YIPF7: variants seen among roughly 807,000 people sequenced by gnomAD.
YIPF7 encodes the protein Yip1 domain family member 7, also known as protein YIPF7.
YIPF7 carries 35 observed loss-of-function variants against 27.2 expected under a neutral mutation model. The ratio of observed to expected loss-of-function variants is 1.29; its 90% CI spans 0.98 to 1.70. The LOEUF is 1.70. Ranked by LOEUF, YIPF7 falls within the 40% of genes most tolerant of loss-of-function variation. The pLI is 0.00. For synonymous variants in YIPF7, 137 were observed against 110.4 expected (o/e 1.24, Z -1.51); for missense variants, 358 against 303.7 (o/e 1.18, Z -1.33).
At chr4:44,661,979 A>G (rs1714051153) in intron 1 of YIPF7, among the ~76,000 whole-genome samples, 2 of 152,164 alleles carry the variant, frequency 1.3e-5, no homozygotes, top group South Asian at 2.1e-4. Flanking sequence ...TTTCTCTTTA[A>G]TGCTCTTTCT....
chr4:44,656,106 T>A (rs1461967935), upstream of YIPF7, among the ~76,000 whole-genome samples: 1 of 152,078 alleles, frequency 6.6e-6, no homozygotes, highest in African/African-American at 2.4e-5. Flanking sequence ...AAGTTTTTAG[T>A]TTGGCAATAT....
At position 44,637,917 on chromosome 4, in the gene YIPF7, ATTAACTCGTTCCT is replaced by A. The variant is rs1469558829; in HGVS notation, c.117-1845_117-1833del. Among the ~76,000 whole-genome samples the A allele has an allele frequency of 3.9e-5, 6 of 152,306 alleles. No individual in the cohort carries two copies. The East Asian group carries it at 9.7e-4, about 25-fold the overall frequency. On this transcript the variant is annotated intron_variant, in intron 2 of 5. Coordinates refer to ENST00000415895, the MANE Select transcript of YIPF7 (RefSeq NM_182592.3). ...TTCCATCTAGGTTGCTGCAAATGCC[ATTAACTCGTTCCT>A]TTTTATGGCTGAATAGTATTCAAAA...
chr4:44,642,283 T>C (rs1482538346), intron 2 of YIPF7, among the ~76,000 whole-genome samples: 3 of 152,182 alleles, frequency 2.0e-5, no homozygotes, highest in African/African-American at 4.8e-5. Context: ...CTTATTGTAA[T>C]GGGGTTATAA....
At chr4:44,655,746 A>G (rs944625758), upstream of YIPF7, among the ~76,000 whole-genome samples, 4 of 151,990 alleles carry the variant, frequency 2.6e-5, no homozygotes, top group South Asian at 8.3e-4. Flanking sequence ...TATTCTTTAA[A>G]TGCTCTTTTT....
chr4:44,657,701 G>T (rs1713938291), intron 2 of YIPF7, among the ~76,000 whole-genome samples: 2 of 152,160 alleles, frequency 1.3e-5, no homozygotes, highest in Non-Finnish European at 2.9e-5. Context: ...GAAGATTCCT[G>T]AGACCCTCAG....
intron 5 of YIPF7, among the ~76,000 whole-genome samples, chr4:44,623,408 TGGACAATA>T (rs1712510138): frequency 6.6e-6 from 1 of 152,196 alleles, no homozygotes; most frequent in African/African-American, 2.4e-5. Context: ...CATGGCAAAG[TGGACAATA>T]GGTCAAGATC....
chr4:44,645,032 C>T (rs1229035332), intron 2 of YIPF7, among the ~76,000 whole-genome samples: 1 of 152,190 alleles, frequency 6.6e-6, no homozygotes, highest in Non-Finnish European at 1.5e-5. Flanking sequence ...CTCCCTGAGG[C>T]CTCCTCAGAA....
At chr4:44,627,603 G>C (rs1329570987) in intron 4 of YIPF7, among the ~76,000 whole-genome samples, 1 of 152,006 alleles carries the variant, frequency 6.6e-6, no homozygotes, top group Non-Finnish European at 1.5e-5. Flanking sequence ...AGTCCTTTTT[G>C]CTTTATATCA....
At chr4:44,634,643 T>C (rs1422540286) in intron 3 of YIPF7, among the ~76,000 whole-genome samples, 1 of 152,202 alleles carries the variant, frequency 6.6e-6, no homozygotes, top group Non-Finnish European at 1.5e-5. Flanking sequence ...AAAGTATGCA[T>C]GTATATTCAT....
At chr4:44,658,294 A>G (rs1713954886) in intron 2 of YIPF7, among the ~76,000 whole-genome samples, 1 of 152,266 alleles carries the variant, frequency 6.6e-6, no homozygotes, top group South Asian at 2.1e-4. Context: ...GGATACAATA[A>G]GAACTCAGCA....
At chr4:44,659,562 A>G (rs140760971) in intron 2 of YIPF7, among the ~76,000 whole-genome samples, 354 of 152,340 alleles carry the variant, frequency 2.3e-3, no homozygotes, top group African/African-American at 8.0e-3. Flanking sequence ...TAAACTCACT[A>G]TCAATAATTT....
intron 5 of YIPF7, among the ~76,000 whole-genome samples, chr4:44,622,975 C>G (rs187603112): frequency 5.3e-5 from 8 of 152,316 alleles, no homozygotes; most frequent in Non-Finnish European, 1.0e-4. Flanking sequence ...GAAAGATAGA[C>G]AGAGTTACAT....
chr4:44,627,160 C>T (rs1712688163), intron 4 of YIPF7, among the ~76,000 whole-genome samples: 1 of 152,084 alleles, frequency 6.6e-6, no homozygotes, highest in Non-Finnish European at 1.5e-5. Context: ...TTTCAGACCA[C>T]ACTCTTGGCC....
chr4:44,622,560 T>A lies in YIPF7; in HGVS notation c.625A>T (p.Met209Leu), dbSNP rs1187817413. The A allele has an allele frequency of 6.2e-7, 1 of 1,613,334 alleles. No homozygotes were observed. The highest frequency in any genetic ancestry group is 1.7e-5 in the Admixed American group (1 of 59,890). ...FFSLQGIFGI[M>L]SSLVIIGWCS... ...CAGCCAATGATGACCAGGGATGACATGATTCCAAAGATGCCCCTGCAGCAA... is the reference window on the plus strand; with the variant it reads ...CAGCCAATGATGACCAGGGATGACAAGATTCCAAAGATGCCCCTGCAGCAA... The change falls in exon 6 of 6, where the codon ATG becomes TTG. Residue 209 changes from methionine to leucine, a missense_variant. Transcript: ENST00000415895.
At chr4:44,653,200 A>G (rs1277007031), upstream of YIPF7, among the ~76,000 whole-genome samples, 1 of 152,090 alleles carries the variant, frequency 6.6e-6, no homozygotes, top group East Asian at 1.9e-4. Flanking sequence ...TGAATTAGAG[A>G]AAAGTTGAAG....
At chr4:44,659,279 G>A (rs1018113963) in intron 2 of YIPF7, among the ~76,000 whole-genome samples, 1 of 151,330 alleles carries the variant, frequency 6.6e-6, no homozygotes, top group East Asian at 1.9e-4. Context: ...TTCAAAGTCA[G>A]AGTCAGGGAA....
Position 44,626,738 on chromosome 4 carries a change from C to G in YIPF7, c.427-1956G>C, listed in dbSNP as rs571372009. Among the ~76,000 whole-genome samples the G allele has an allele frequency of 7.7e-5, 11 of 143,090 alleles. 1 individual carries two copies. Among genetic ancestry groups the G allele is most frequent in the African/African-American group, 2.8e-4 (11 of 39,422 alleles). 93.9% of individuals were successfully genotyped at this position (143,090 alleles called of 152,430 possible). A position where few individuals can be genotyped will look rare whatever the true frequency, so the allele number is the denominator to read the frequency against. On this transcript the variant is annotated intron_variant, in intron 4 of 5. Coordinates refer to ENST00000415895, the MANE Select transcript of YIPF7 (RefSeq NM_182592.3). The stretch of plus-strand genomic sequence containing the variant: ...TAACCTCAAAATTTTTAAGGATCCT[C>G]CCTATTCCATCCTCATTAGCACATC...
chr4:44,659,730 A>G (rs1289796035), intron 2 of YIPF7, among the ~76,000 whole-genome samples: 9 of 152,206 alleles, frequency 5.9e-5, no homozygotes, highest in Admixed American at 5.2e-4. Flanking sequence ...CTAAGCATTA[A>G]AAAGCACTAT....
intron 3 of YIPF7, among the ~76,000 whole-genome samples, chr4:44,634,844 T>C (rs1713049544): frequency 6.6e-6 from 1 of 152,190 alleles, no homozygotes. Flanking sequence ...TCAAGGAAAA[T>C]GTTTAACAAG....
Sources: allele counts gnomAD v4.1 joint callset (sites outside exome capture counted in the v4.1 genomes callset), GRCh38; gene constraint gnomAD v4.1.1; transcripts MANE v1.5; gene names NCBI Gene and HGNC (gene_info 2026-07-23, HGNC 2026-07-21).